Variants in PCDHA12 observed in about 807,000 individuals in gnomAD.
PCDHA12 encodes protocadherin alpha 12.
PCDHA12 carries 44 observed loss-of-function variants against 60.0 expected under a neutral mutation model. That is an observed-to-expected ratio of 0.73 (90% CI 0.58 to 0.94). The LOEUF is 0.94. PCDHA12 is among the 40% of genes least tolerant of loss of function. The pLI, the probability that PCDHA12 is intolerant of heterozygous loss-of-function variation, is 0.00. For missense variants in PCDHA12, 1,276 were observed against 1,239.7 expected, an observed-to-expected ratio of 1.03 and a Z score of -0.44; for synonymous variants, 569 against 553.0, an observed-to-expected ratio of 1.03 and a Z score of -0.40.
At chr5:140,882,346 G>T (rs146510190) in intron 1 of PCDHA12, 36 of 1,614,194 alleles carry the variant, frequency 2.2e-5, no homozygotes, top group Non-Finnish European at 2.9e-5. Flanking sequence ...CCTGGGAGAC[G>T]GGTAGTGGCC....
At chr5:140,926,946 A>C in intron 1 of PCDHA12, 1 of 1,590,228 alleles carries the variant, frequency 6.3e-7, no homozygotes, top group Non-Finnish European at 8.6e-7. Context: ...GCGGCGCTGC[A>C]GCGGGACAGC....
In PCDHA12 at chr5:140,882,915, A is replaced by G. The variant is rs374032403; in HGVS notation, c.2367+5076A>G. The G allele has an allele frequency of 9.7e-5, 156 of 1,614,110 alleles. No individual in the cohort carries two copies. Among genetic ancestry groups the G allele is most frequent in the Non-Finnish European group, 1.2e-4 (140 of 1,180,046 alleles). ...CATAGTTTATTACTGACAGCCAGTG[A>G]TGGAGGTAAACCCGAGCTGACTGGC... is the stretch of plus-strand genomic sequence containing the variant. On this transcript the variant is annotated intron_variant, in intron 1 of 3. Transcript: ENST00000398631.
rs147892853 is a variant in PCDHA12 at position 140,979,173 on chromosome 5, C to A, written c.2426+166C>A. ...CCCATGTTTATTCCTTGAAAGATCG[C>A]AAATGGTCAGTGCCAGATGCTTATC... On this transcript the variant is annotated intron_variant, in intron 2 of 3. Transcript: ENST00000398631. The A allele has an allele frequency of 5.2e-6, 5 of 958,838 alleles. No individual in the cohort carries two copies. The Admixed American group carries it at 3.1e-4, about 59-fold the overall frequency. 59.4% of individuals were successfully genotyped at this position (958,838 alleles called of 1,614,324 possible).
At chr5:140,931,853 G>A (rs2087796602) in intron 1 of PCDHA12, among the ~76,000 whole-genome samples, 1 of 151,744 alleles carries the variant, frequency 6.6e-6, no homozygotes, top group African/African-American at 2.4e-5. Context: ...ATAACAACAG[G>A]ATTCTAGAAA....
rs2098417673 is a variant in PCDHA12, at chr5:141,010,569, T to C, written c.*632T>C. ...AAAACTACCCCCACTGACAAGGCTT[T>C]AGGAGACCCTAAAGTCTGTTGGCTG... On this transcript the variant is annotated 3_prime_UTR_variant, in exon 4 of 4. Transcript: ENST00000398631. 1.4e-5 allele frequency: 4 copies of C among 283,140 alleles called. No individual in the cohort carries two copies. The South Asian group carries it at 2.4e-4, about 17-fold the overall frequency. The allele number at this position is 283,140 out of a possible 1,614,324, so 17.5% of individuals were successfully genotyped here.
chr5:141,009,706 C>G lies in PCDHA12; in HGVS notation c.2595C>G (p.Gly865=). Reference sequence around the variant, plus strand: ...GCTGGACCTTTAAATACGGACCAGGCAACCCCAAACAATCCGGTCCCGGTG... The same window carrying G: ...GCTGGACCTTTAAATACGGACCAGGGAACCCCAAACAATCCGGTCCCGGTG... ...SNSWTFKYGP[G]NPKQSGPGEL... The change falls in exon 4 of 4, where the codon GGC becomes GGG. Residue 865 remains glycine, a synonymous_variant. Transcript: ENST00000398631. 1 of 1,614,118 alleles carries G rather than the reference C, an allele frequency of 6.2e-7. No homozygotes were observed. Among genetic ancestry groups the G allele is most frequent in the Non-Finnish European group, 8.5e-7 (1 of 1,180,020 alleles).
At chr5:141,001,833 G>GAGACAGAGAGAGAGGTTGATT (rs1554258319) in intron 3 of PCDHA12, among the ~76,000 whole-genome samples, 1 of 151,780 alleles carries the variant, frequency 6.6e-6, no homozygotes, top group East Asian at 1.9e-4. Context: ...GACAGAGAGG[G>GAGACAGAGAGAGAGGTTGATT]AGACAGAGAG....
rs782607699 is a variant in PCDHA12, at chr5:140,926,577, C to A, written c.2367+48738C>A. ...CAGCCCGCTGCTACTGGAGACAGCA[C>A]CTCTCGCGCCCGGGCGGGCGGCCTC... On this transcript the variant is annotated intron_variant, in intron 1 of 3. Coordinates refer to ENST00000398631, the MANE Select transcript of PCDHA12 (RefSeq NM_018903.4). The A allele has an allele frequency of 2.5e-5, 7 of 275,464 alleles. No individual in the cohort carries two copies. In the Middle Eastern group the frequency reaches 3.1e-3, roughly 122 times the overall value. The allele number at this position is 275,464 out of a possible 1,614,324, so 17.1% of individuals were successfully genotyped here. A position where few individuals can be genotyped will look rare whatever the true frequency, so the allele number is the denominator to read the frequency against.
intron 1 of PCDHA12, among the ~76,000 whole-genome samples, chr5:140,951,512 C>T (rs2094592870): frequency 6.6e-6 from 1 of 152,004 alleles, no homozygotes; most frequent in Non-Finnish European, 1.5e-5. Context: ...GAAAGCGGCT[C>T]ATCTTACATG....
chr5:140,907,761 T>C (rs1554193135), intron 1 of PCDHA12, among the ~76,000 whole-genome samples: 4 of 152,182 alleles, frequency 2.6e-5, no homozygotes, highest in African/African-American at 9.7e-5. Flanking sequence ...ATGGGCCCAT[T>C]GGGTGATGAC....
At chr5:140,895,968 G>A (rs190056652) in intron 1 of PCDHA12, among the ~76,000 whole-genome samples, 2 of 151,938 alleles carry the variant, frequency 1.3e-5, no homozygotes, top group African/African-American at 2.4e-5. Context: ...CTGTCACCAG[G>A]CCTAGCTAAT....
chr5:140,886,927 G>T (rs1191029252), intron 1 of PCDHA12, among the ~76,000 whole-genome samples: 1 of 151,236 alleles, frequency 6.6e-6, no homozygotes, highest in Non-Finnish European at 1.5e-5. Flanking sequence ...TTCTCTATGT[G>T]CCAGGCATGT....
At chr5:140,923,071 C>T (rs1319984584) in intron 1 of PCDHA12, among the ~76,000 whole-genome samples, 2 of 152,202 alleles carry the variant, frequency 1.3e-5, no homozygotes, top group Non-Finnish European at 2.9e-5. Context: ...TAGGTCTCCT[C>T]ATGTCAGCAC....
intron 1 of PCDHA12, among the ~76,000 whole-genome samples, chr5:140,900,367 T>C (rs1554189080): frequency 6.6e-6 from 1 of 152,152 alleles, no homozygotes; most frequent in Non-Finnish European, 1.5e-5. Context: ...AACCTCTGCC[T>C]CCTGGGTTCA....
intron 1 of PCDHA12, chr5:140,882,537 TCGACCGCGAGGAGCTGTGTGGGC>T (rs1554174449): frequency 1.2e-6 from 2 of 1,614,058 alleles, no homozygotes; most frequent in African/African-American, 2.7e-5. Flanking sequence ...AATTCTCGGA[TCGACCGCGAGGAGCTGTGTGGGC>T]GGAGCGCGGA....
chr5:140,923,719 G>A (rs906860011), intron 1 of PCDHA12, among the ~76,000 whole-genome samples: 5 of 152,182 alleles, frequency 3.3e-5, no homozygotes, highest in African/African-American at 1.2e-4. Context: ...GAATAAGAAT[G>A]CAATGTTATG....
intron 3 of PCDHA12, among the ~76,000 whole-genome samples, chr5:141,003,476 C>G (rs555987176): frequency 1.3e-3 from 191 of 152,130 alleles, no homozygotes; most frequent in African/African-American, 4.3e-3. Context: ...CACAGTCTCG[C>G]TAATTTTTAT....
At chr5:140,951,746 C>A (rs2094627797) in intron 1 of PCDHA12, among the ~76,000 whole-genome samples, 1 of 152,128 alleles carries the variant, frequency 6.6e-6, no homozygotes, top group African/African-American at 2.4e-5. Flanking sequence ...ACTGCCCTCA[C>A]CCTCCGCGAA....
chr5:140,991,588 C>T (rs1252872687), intron 3 of PCDHA12, among the ~76,000 whole-genome samples: 3 of 152,212 alleles, frequency 2.0e-5, no homozygotes, highest in African/African-American at 7.2e-5. Flanking sequence ...TTATTTCTAC[C>T]TGAGCCCTCA....
Sources: gnomAD v4.1 joint callset for allele counts (sites outside exome capture counted in the v4.1 genomes callset) on GRCh38, gnomAD v4.1.1 for gene constraint, MANE v1.5 for transcripts, NCBI Gene and HGNC (gene_info 2026-07-23, HGNC 2026-07-21) for gene names.